The following ARAP2 variants were observed in gnomAD, a reference collection of about 807,000 sequenced individuals.
ARAP2 encodes the protein ArfGAP with RhoGAP domain, ankyrin repeat and PH domain 2.
A neutral mutation model predicts 194.5 loss-of-function variants in ARAP2; 148 were observed. The ratio of observed to expected loss-of-function variants is 0.76; its 90% CI spans 0.67 to 0.87. ARAP2 has a LOEUF of 0.87. Among genes scored for constraint, ARAP2 ranks in the 40% least tolerant of loss-of-function variants. The pLI, the probability that ARAP2 is intolerant of heterozygous loss-of-function variation, is 0.00. For synonymous variants in ARAP2, 695 were observed against 683.5 expected (o/e 1.02, Z -0.26); for missense variants, 2,128 against 1,989.7 (o/e 1.07, Z -1.32).
intron 5 of ARAP2, among the ~76,000 whole-genome samples, chr4:36,041,377 C>A (rs373282789): frequency 2.8e-4 from 43 of 152,184 alleles, no homozygotes; most frequent in African/African-American, 7.9e-4. Context: ...AAAGAATGAA[C>A]AGACACTTTT....
Position 36,158,937 on chromosome 4 carries a change from CAT to C in ARAP2, c.2618-75_2618-74del, listed in dbSNP as rs376664597. 8.8e-5 allele frequency: 120 copies of C among 1,359,768 alleles called. No individual in the cohort carries two copies. The African/African-American group carries it at 1.7e-3, about 19-fold the overall frequency. The allele number at this position is 1,359,768 out of a possible 1,614,324, so 84.2% of individuals were successfully genotyped here. A position where few individuals can be genotyped will look rare whatever the true frequency, so the allele number is the denominator to read the frequency against. On this transcript the variant is annotated intron_variant, in intron 14 of 32. Coordinates refer to ENST00000303965, the MANE Select transcript of ARAP2 (RefSeq NM_015230.4). Reference sequence around the variant, plus strand: ...ATTTTCCTTTTGTTTATAATATGTACATGAGTTTTGAGCTAGAAGAAAAACTA... The same window carrying C: ...ATTTTCCTTTTGTTTATAATATGTACGAGTTTTGAGCTAGAAGAAAAACTA...
chr4:36,051,163 G>T (rs969534595), intron 3 of ARAP2, among the ~76,000 whole-genome samples: 1 of 152,102 alleles, frequency 6.6e-6, no homozygotes, highest in Non-Finnish European at 1.5e-5. Context: ...ACTAGTTTTA[G>T]GTAAACTTTT....
Position 36,161,644 on chromosome 4 carries a change from C to A in ARAP2, c.2174-94G>T. On this transcript the variant is annotated intron_variant, in intron 11 of 32. Transcript: ENST00000303965. ...GAAAGTGCATATGTCTGTGTATGTT[C>A]GTTGCGTATCTTCTCAACTTAAAAC... is the stretch of plus-strand genomic sequence containing the variant. 3.1e-6 allele frequency: 3 copies of A among 957,590 alleles called. No homozygotes were observed. The South Asian group carries it at 4.3e-5, about 14-fold the overall frequency. 59.3% of individuals were successfully genotyped at this position (957,590 alleles called of 1,614,324 possible).
intron 20 of ARAP2, among the ~76,000 whole-genome samples, chr4:36,132,933 T>A (rs1243541339): frequency 6.6e-6 from 1 of 151,750 alleles, no homozygotes; most frequent in Admixed American, 6.6e-5. Flanking sequence ...CTTACTTGAA[T>A]AAAACATATA....
chr4:36,080,908 A>G (rs550204315), intron 30 of ARAP2, among the ~76,000 whole-genome samples: 1 of 152,322 alleles, frequency 6.6e-6, no homozygotes, highest in African/African-American at 2.4e-5. Context: ...AAGCAAAAAT[A>G]AAACTGAGTG....
intron 28 of ARAP2, among the ~76,000 whole-genome samples, chr4:36,089,001 T>C (rs563289069): frequency 1.3e-5 from 2 of 152,210 alleles, no homozygotes; most frequent in East Asian, 3.9e-4. Flanking sequence ...TTTAAAGTAA[T>C]TGCCTTGGTA....
At chr4:36,218,392 A>G (rs76316880) in intron 2 of ARAP2, among the ~76,000 whole-genome samples, 29 of 152,308 alleles carry the variant, frequency 1.9e-4, no homozygotes, top group African/African-American at 6.7e-4. Flanking sequence ...CTGTGACACA[A>G]GTTTACTTAT....
intron 25 of ARAP2, among the ~76,000 whole-genome samples, chr4:36,116,078 A>C (rs148485193): frequency 6.4e-4 from 98 of 152,080 alleles, no homozygotes; most frequent in African/African-American, 2.2e-3. Context: ...GATCAGCATT[A>C]TGCATTCAGT....
intron 23 of ARAP2, 39 bp downstream of exon 23, chr4:36,121,137 CATT>C (rs1422737127): frequency 6.8e-7 from 1 of 1,468,948 alleles, no homozygotes; most frequent in Non-Finnish European, 9.3e-7. Flanking sequence ...CAAACAGTGA[CATT>C]ATAACCATTT....
At chr4:36,121,599 T>C (rs980240974) in intron 22 of ARAP2, among the ~76,000 whole-genome samples, 4 of 151,698 alleles carry the variant, frequency 2.6e-5, no homozygotes, top group African/African-American at 4.8e-5. Flanking sequence ...ATTCAAACAA[T>C]TGCAAACTAT....
At chr4:36,033,679 T>G (rs1197988543) in intron 5 of ARAP2, among the ~76,000 whole-genome samples, 1 of 152,188 alleles carries the variant, frequency 6.6e-6, no homozygotes, top group Non-Finnish European at 1.5e-5. Flanking sequence ...TTATTTGCTT[T>G]TTTTGTGATT....
intron 8 of ARAP2, among the ~76,000 whole-genome samples, chr4:36,179,941 T>C (rs1489716324): frequency 2.0e-5 from 3 of 152,226 alleles, no homozygotes; most frequent in African/African-American, 7.2e-5. Flanking sequence ...ACTCATTCGA[T>C]AGTGCTTTAT....
At chr4:36,137,656 T>A (rs1727167165) in intron 19 of ARAP2, among the ~76,000 whole-genome samples, 1 of 151,698 alleles carries the variant, frequency 6.6e-6, no homozygotes, top group Non-Finnish European at 1.5e-5. Flanking sequence ...TTTTTTTCCA[T>A]ATATGACTAG....
chr4:36,152,091 C>T (rs1027285526), intron 15 of ARAP2, among the ~76,000 whole-genome samples: 1 of 152,144 alleles, frequency 6.6e-6, no homozygotes, highest in East Asian at 1.9e-4. Context: ...AAAAAACAAT[C>T]ACAAGGAGTA....
chr4:36,091,201 T>C lies in ARAP2; in HGVS notation c.4425+680A>G, dbSNP rs1713544014. On this transcript the variant is annotated intron_variant, in intron 28 of 32. Transcript: ENST00000303965. ...AACCTGACATGCAGAACTCATACTATCTTAAATTACAGATTTGGATACTGA... is the reference window on the plus strand; with the variant it reads ...AACCTGACATGCAGAACTCATACTACCTTAAATTACAGATTTGGATACTGA... Among the ~76,000 whole-genome samples, 4 of 152,244 alleles carry C rather than the reference T, an allele frequency of 2.6e-5. No homozygotes were observed. The South Asian group carries it at 6.2e-4, about 24-fold the overall frequency.
intron 2 of ARAP2, among the ~76,000 whole-genome samples, chr4:36,219,583 G>T (rs1313123775): frequency 6.6e-6 from 1 of 152,074 alleles, no homozygotes; most frequent in African/African-American, 2.4e-5. Flanking sequence ...AATCTTAATT[G>T]TTATAGTGGT....
At chr4:36,151,395 G>C (rs1184121697) in intron 15 of ARAP2, among the ~76,000 whole-genome samples, 1 of 152,204 alleles carries the variant, frequency 6.6e-6, no homozygotes, top group African/African-American at 2.4e-5. Flanking sequence ...CATGAAAAGT[G>C]AGACTGCAGC....
intron 7 of ARAP2, among the ~76,000 whole-genome samples, chr4:36,189,781 C>T (rs1395217601): frequency 2.6e-5 from 4 of 152,186 alleles, no homozygotes; most frequent in African/African-American, 9.7e-5. Context: ...CACTCAATTT[C>T]ACTGCCATAT....
chr4:36,196,547 C>T (rs1409636483), intron 6 of ARAP2, among the ~76,000 whole-genome samples: 2 of 152,068 alleles, frequency 1.3e-5, no homozygotes, highest in East Asian at 3.9e-4. Context: ...CTATTTTTAA[C>T]TCAATATTTT....
Sources: gnomAD v4.1 joint callset for allele counts (sites outside exome capture counted in the v4.1 genomes callset) on GRCh38, gnomAD v4.1.1 for gene constraint, MANE v1.5 for transcripts, NCBI Gene and HGNC (gene_info 2026-07-23, HGNC 2026-07-21) for gene names.